Variants in PTPRD observed in about 807,000 individuals in gnomAD.
PTPRD encodes the protein receptor-type tyrosine-protein phosphatase delta.
A neutral mutation model predicts 214.5 loss-of-function variants in PTPRD; 34 were observed. The ratio of observed to expected loss-of-function variants is 0.16; its 90% CI spans 0.12 to 0.21. The LOEUF (loss-of-function observed/expected upper bound fraction) is 0.21, where lower values mean the gene tolerates loss of function less well. Ranked by LOEUF, PTPRD falls within the 10% of genes least tolerant of loss-of-function variation. The pLI, the probability that PTPRD is intolerant of heterozygous loss-of-function variation, is 1.00. For missense variants in PTPRD, 2,545 were observed against 2,398.7 expected (o/e 1.06, Z -1.27); for synonymous variants, 1,128 against 845.7 (o/e 1.33, Z -5.79).
chr9:9,956,014 A>C (rs2093901378), intron 4 of PTPRD, among the ~76,000 whole-genome samples: 1 of 152,184 alleles, frequency 6.6e-6, no homozygotes, highest in Non-Finnish European at 1.5e-5. Context: ...GAGGCAGGCC[A>C]CATTTATTTG....
intron 4 of PTPRD, among the ~76,000 whole-genome samples, chr9:9,970,141 A>G (rs1381235387): frequency 6.6e-6 from 1 of 152,112 alleles, no homozygotes. Flanking sequence ...GAACCAGCAA[A>G]CCAGCAAATG....
At chr9:10,400,305 GTTAA>G (rs2098248749) in intron 2 of PTPRD, among the ~76,000 whole-genome samples, 2 of 151,550 alleles carry the variant, frequency 1.3e-5, no homozygotes, top group Non-Finnish European at 1.5e-5. Context: ...AATAAATGGG[GTTAA>G]TTATTAATGT....
intron 11 of PTPRD, among the ~76,000 whole-genome samples, chr9:8,854,019 A>G (rs1400882028): frequency 3.3e-5 from 5 of 152,298 alleles, no homozygotes; most frequent in Non-Finnish European, 7.4e-5. Context: ...ATACTCTGGG[A>G]AAACTGGATA....
chr9:8,733,711 C>A, intron 12 of PTPRD, 69 bp downstream of exon 12: 2 of 1,483,736 alleles, frequency 1.3e-6, no homozygotes, highest in Non-Finnish European at 1.8e-6. Context: ...GGCCCTGAGC[C>A]TGGTGCCAAC....
chr9:9,731,618 C>T (rs1046926758), intron 7 of PTPRD, among the ~76,000 whole-genome samples: 2 of 151,998 alleles, frequency 1.3e-5, no homozygotes, highest in African/African-American at 4.8e-5. Context: ...CCTCCCTACA[C>T]CCCACAATGC....
intron 2 of PTPRD, among the ~76,000 whole-genome samples, chr9:10,549,180 T>G (rs1325006279): frequency 6.6e-6 from 1 of 152,194 alleles, no homozygotes; most frequent in African/African-American, 2.4e-5. Flanking sequence ...AACTGTCTCC[T>G]GGTATTCCTA....
At chr9:8,794,350 T>C (rs1041792514) in intron 11 of PTPRD, among the ~76,000 whole-genome samples, 1 of 152,178 alleles carries the variant, frequency 6.6e-6, no homozygotes, top group East Asian at 1.9e-4. Context: ...AAGCCCATTT[T>C]ACATACTGCT....
In PTPRD at chr9:10,481,916, T is replaced by C. The variant is rs962106351; in HGVS notation, c.-600+130482A>G. 3.9e-5 allele frequency among the ~76,000 whole-genome samples: 6 copies of C among 152,194 alleles called. No homozygotes were observed. In the South Asian group the frequency reaches 1.2e-3, roughly 32 times the overall value. The stretch of plus-strand genomic sequence containing the variant: ...GCAATTGAAAATTAAGTGTAAAATA[T>C]AAGCTTAATTTTTAAAAGGAGACAA... On this transcript the variant is annotated intron_variant, in intron 2 of 45. Transcript: ENST00000381196.
intron 9 of PTPRD, among the ~76,000 whole-genome samples, chr9:9,387,342 C>T (rs1394875818): frequency 1.3e-5 from 2 of 152,102 alleles, no homozygotes; most frequent in African/African-American, 4.8e-5. Flanking sequence ...TAGAGTGTCT[C>T]ATTTTGGTGA....
chr9:9,334,771 T>A (rs547685456), intron 9 of PTPRD, among the ~76,000 whole-genome samples: 76 of 152,044 alleles, frequency 5.0e-4, no homozygotes, highest in South Asian at 2.3e-3. Flanking sequence ...ATCATCATCA[T>A]CCTCATCCCA....
At chr9:9,718,057 C>G (rs879377089) in intron 7 of PTPRD, among the ~76,000 whole-genome samples, 1 of 152,154 alleles carries the variant, frequency 6.6e-6, no homozygotes, top group Non-Finnish European at 1.5e-5. Context: ...TTAAACGATG[C>G]TAACTAAACG....
intron 7 of PTPRD, among the ~76,000 whole-genome samples, chr9:9,624,442 C>G (rs1217653185): frequency 1.3e-5 from 2 of 151,858 alleles, no homozygotes; most frequent in Non-Finnish European, 2.9e-5. Flanking sequence ...GCCACCATGT[C>G]TGGCTAATTT....
rs184151501 is a variant in PTPRD at position 10,369,140 on chromosome 9, T to C, written c.-599-28123A>G. Among the ~76,000 whole-genome samples the C allele has an allele frequency of 2.9e-4, 44 of 152,234 alleles. 1 individual carries two copies. Among genetic ancestry groups the C allele is most frequent in the Admixed American group, 1.3e-3 (20 of 15,268 alleles). Reference sequence around the variant, plus strand: ...GTATAGACTAGTTCTTGTTTCTCCATTTACTAGCTAATAAAACTTATGCAA... The same window carrying C: ...GTATAGACTAGTTCTTGTTTCTCCACTTACTAGCTAATAAAACTTATGCAA... On this transcript the variant is annotated intron_variant, in intron 2 of 45. Transcript: ENST00000381196.
chr9:9,621,646 T>C (rs2095243424), intron 7 of PTPRD, among the ~76,000 whole-genome samples: 1 of 152,180 alleles, frequency 6.6e-6, no homozygotes, highest in South Asian at 2.1e-4. Flanking sequence ...TAAGACATTT[T>C]TAAACCCTTT....
intron 2 of PTPRD, among the ~76,000 whole-genome samples, chr9:10,504,569 A>T (rs568247871): frequency 3.3e-5 from 5 of 152,314 alleles, no homozygotes; most frequent in Admixed American, 1.3e-4. Flanking sequence ...TAACAGCAAT[A>T]TCAAGATAAA....
At chr9:9,838,704 A>T (rs1441403207) in intron 5 of PTPRD, among the ~76,000 whole-genome samples, 1 of 151,786 alleles carries the variant, frequency 6.6e-6, no homozygotes, top group Admixed American at 6.6e-5. Context: ...ATTTTCTCCC[A>T]TTTTTTTAGG....
intron 5 of PTPRD, among the ~76,000 whole-genome samples, chr9:9,918,498 G>A (rs557294027): frequency 2.0e-5 from 3 of 151,936 alleles, no homozygotes; most frequent in Non-Finnish European, 2.9e-5. Flanking sequence ...AATCTGATTC[G>A]ATTAAATCTC....
intron 2 of PTPRD, among the ~76,000 whole-genome samples, chr9:10,569,451 A>G (rs72702826): frequency 6.6e-6 from 1 of 152,030 alleles, no homozygotes; most frequent in Non-Finnish European, 1.5e-5. Context: ...ATTGGAATAC[A>G]TTCTCTTTAA....
chr9:10,472,421 G>A (rs932432094), intron 2 of PTPRD, among the ~76,000 whole-genome samples: 3 of 150,248 alleles, frequency 2.0e-5, no homozygotes, highest in African/African-American at 7.6e-5. Context: ...TTTTGCAAAT[G>A]TGGTCCACAA....
Sources: allele counts gnomAD v4.1 joint callset (sites outside exome capture counted in the v4.1 genomes callset), GRCh38; gene constraint gnomAD v4.1.1; transcripts MANE v1.5; gene names NCBI Gene and HGNC (gene_info 2026-07-23, HGNC 2026-07-21).